The following TET3 variants were observed in gnomAD, a reference collection of about 807,000 sequenced individuals.
The protein encoded by TET3 is tet methylcytosine dioxygenase 3.
TET3 carries 19 observed loss-of-function variants against 141.4 expected under a neutral mutation model. The observed-to-expected ratio is 0.13, with a 90% CI of 0.09 to 0.20. TET3 has a LOEUF of 0.20. Ranked by LOEUF, TET3 falls within the 10% of genes least tolerant of loss-of-function variation. TET3 has a pLI of 1.00. For synonymous variants in TET3, 1,043 were observed against 980.9 expected (o/e 1.06, Z -1.18); for missense variants, 1,874 against 2,356.9 (o/e 0.80, Z 4.24).
chr2:74,002,757 T>G, intron 2 of TET3: 2 of 538,294 alleles, frequency 3.7e-6, no homozygotes, highest in Non-Finnish European at 3.3e-6. Flanking sequence ...CCGGCGGGGA[T>G]AATGGGAGGC....
the TET3 span, among the ~76,000 whole-genome samples, chr2:74,120,399 C>G: frequency 6.6e-6 from 1 of 152,266 alleles, no homozygotes; most frequent in Non-Finnish European, 1.5e-5. Flanking sequence ...CCGTCTTTCC[C>G]TCCTGGGCTG....
At chr2:74,123,962 G>A in the TET3 span, among the ~76,000 whole-genome samples, 346 of 152,046 alleles carry the variant, frequency 2.3e-3, no homozygotes, top group Non-Finnish European at 3.8e-3. Context: ...CCCCATCTGG[G>A]AGGTGAGGAG....
In TET3 at chr2:74,047,246, A is replaced by G; in HGVS notation, c.1329A>G (p.Pro443=). The part of the protein sequence containing the change: ...FPEAWGTDTP[P]ATPRSSWPMP... ...AAGCCTGGGGCACTGACACCCCTCC[A>G]GCAACGCCCCGGAGCTCCTGGCCCA... The change falls in exon 4 of 12, where the codon CCA becomes CCG. Residue 443 remains proline (P), a synonymous_variant. Transcript: ENST00000409262. 2 of 1,613,982 alleles carry G rather than the reference A, an allele frequency of 1.2e-6. No homozygotes were observed. The highest frequency in any genetic ancestry group is 1.7e-6 in the Non-Finnish European group (2 of 1,179,878).
intron 3 of TET3, among the ~76,000 whole-genome samples, chr2:74,031,767 ACTTAGGT>A (rs1452443067): frequency 2.6e-5 from 4 of 152,132 alleles, no homozygotes; most frequent in African/African-American, 9.7e-5. Flanking sequence ...TGAATGAAAA[ACTTAGGT>A]CTTAAGTCCT....
intron 2 of TET3, among the ~76,000 whole-genome samples, chr2:74,002,161 T>C (rs887040456): frequency 1.3e-5 from 2 of 152,202 alleles, no homozygotes; most frequent in Non-Finnish European, 2.9e-5. Flanking sequence ...TGCTGTTTCC[T>C]AGCCGCATCA....
chr2:74,066,389 A>AGT (rs1309623161), intron 4 of TET3, among the ~76,000 whole-genome samples: 1 of 152,250 alleles, frequency 6.6e-6, no homozygotes, highest in Non-Finnish European at 1.5e-5. Context: ...CGATGGTGGT[A>AGT]GTGTATATAT....
At chr2:74,060,592 T>C (rs1688451498) in intron 4 of TET3, among the ~76,000 whole-genome samples, 1 of 152,214 alleles carries the variant, frequency 6.6e-6, no homozygotes, top group Admixed American at 6.5e-5. Flanking sequence ...GGCAGGGTCA[T>C]AGGACAATAG....
intron 6 of TET3, among the ~76,000 whole-genome samples, chr2:74,086,674 C>T (rs867929143): frequency 4.6e-5 from 7 of 151,274 alleles, no homozygotes; most frequent in South Asian, 2.1e-4. Context: ...TCTGTAGTCC[C>T]GGGTACTCAA....
At chr2:74,041,518 C>G (rs1687336878) in intron 3 of TET3, among the ~76,000 whole-genome samples, 1 of 152,102 alleles carries the variant, frequency 6.6e-6, no homozygotes, top group Non-Finnish European at 1.5e-5. Flanking sequence ...CAGACTGGGT[C>G]AGAACCCATT....
At chr2:74,091,647 C>T (rs1250073007) in intron 8 of TET3, among the ~76,000 whole-genome samples, 1 of 152,258 alleles carries the variant, frequency 6.6e-6, no homozygotes, top group Non-Finnish European at 1.5e-5. Context: ...CCTGGCGACC[C>T]CACTGGATGT....
the TET3 span, chr2:74,122,536 G>T: frequency 4.3e-4 from 22 of 50,652 alleles, no homozygotes; most frequent in African/African-American, 1.1e-3. Flanking sequence ...TTTTTTTTGA[G>T]ATAGTCTTGC....
Position 74,087,690 on chromosome 2 carries a change from T to C in TET3, c.2680-140T>C, listed in dbSNP as rs1690236680. 7.8e-6 allele frequency: 5 copies of C among 639,464 alleles called. No homozygotes were observed. The South Asian group carries it at 1.3e-4, about 16-fold the overall frequency. 39.6% of individuals were successfully genotyped at this position (639,464 alleles called of 1,614,324 possible). A position where few individuals can be genotyped will look rare whatever the true frequency, so the allele number is the denominator to read the frequency against. Reference sequence around the variant, plus strand: ...ATAATGGTCTCTTAGCTTGTAAGGTTGCTGTCTTCAGGGCATGACATCCCT... The same window carrying C: ...ATAATGGTCTCTTAGCTTGTAAGGTCGCTGTCTTCAGGGCATGACATCCCT... On this transcript the variant is annotated intron_variant, in intron 6 of 11. Coordinates refer to ENST00000409262, the MANE Select transcript of TET3 (RefSeq NM_001287491.2). This position sits in a 1 kb window ranked among gnomAD's most constrained non-coding sequence, Gnocchi z 4.3.
chr2:74,115,640 T>C, the TET3 span, among the ~76,000 whole-genome samples: 1 of 152,260 alleles, frequency 6.6e-6, no homozygotes, highest in South Asian at 2.1e-4. Flanking sequence ...AAAAATTTAA[T>C]GTTGAAGATG....
chr2:74,042,027 T>C (rs1687366946), intron 3 of TET3, among the ~76,000 whole-genome samples: 2 of 152,232 alleles, frequency 1.3e-5, no homozygotes, highest in African/African-American at 4.8e-5. Context: ...TCTATCATTA[T>C]TGATAAATAT....
At chr2:74,002,670 GC>G in intron 2 of TET3, 1 of 407,262 alleles carries the variant, frequency 2.5e-6, no homozygotes, top group Non-Finnish European at 4.3e-6. Context: ...TCGCACACCA[GC>G]CCCGCGGCGG....
intron 3 of TET3, among the ~76,000 whole-genome samples, chr2:74,038,367 C>A (rs1481125801): frequency 6.6e-6 from 1 of 152,216 alleles, no homozygotes; most frequent in Non-Finnish European, 1.5e-5. Context: ...TGGGAACACA[C>A]CTCCAACTTG....
chr2:74,008,663 G>A (rs903337276), intron 3 of TET3, among the ~76,000 whole-genome samples: 1 of 152,060 alleles, frequency 6.6e-6, no homozygotes, highest in African/African-American at 2.4e-5. Context: ...TGTTGCTGAG[G>A]ATCTACGGCC....
At chr2:74,037,081 G>C (rs7595401) in intron 3 of TET3, among the ~76,000 whole-genome samples, 8,925 of 152,244 alleles carry the variant, frequency 0.059, 523 homozygotes, top group African/African-American at 0.14. Flanking sequence ...TCCTGGAGTT[G>C]CTGTCTGCAG....
At position 74,047,756 on chromosome 2, in the gene TET3, G is replaced by T; in HGVS notation, c.1839G>T (p.Arg613Ser). The T allele has an allele frequency of 6.2e-7, 1 of 1,613,730 alleles. No homozygotes were observed. Among genetic ancestry groups the T allele is most frequent in the Non-Finnish European group, 8.5e-7 (1 of 1,179,804 alleles). The change falls in exon 4 of 12, where the codon AGG becomes AGT. Residue 613 changes from arginine (R) to serine (S), a missense_variant. Around this residue, in one of 10 missense-constraint regions of TET3, gnomAD observed 484 missense variants for 462.2 expected, o/e 1.05. Transcript: ENST00000409262. Reference sequence around the variant, plus strand: ...AGCCCATTCAGATCAAGAAGTCCAGGCCCCGGGAAGCACAGCCCCTCTTCC... The same window carrying T: ...AGCCCATTCAGATCAAGAAGTCCAGTCCCCGGGAAGCACAGCCCCTCTTCC... ...VRKPIQIKKS[R>S]PREAQPLFPP...
Sources: gnomAD v4.1 joint callset for allele counts (sites outside exome capture counted in the v4.1 genomes callset) on GRCh38, gnomAD v4.1.1 for gene constraint, gnomAD v4.1.1 regional missense constraint, Gnocchi (gnomAD v3.1) non-coding constraint, MANE v1.5 for transcripts, NCBI Gene and HGNC (gene_info 2026-07-23, HGNC 2026-07-21) for gene names.